Variants in GRM8 observed in about 807,000 individuals in gnomAD.
The protein encoded by GRM8 is metabotropic glutamate receptor 8.
GRM8 carries 47 observed loss-of-function variants against 87.2 expected under a neutral mutation model. The ratio of observed to expected loss-of-function variants is 0.54; its 90% CI spans 0.43 to 0.69. GRM8 has a LOEUF of 0.69. Ranked by LOEUF, GRM8 falls within the 30% of genes least tolerant of loss-of-function variation. The pLI, the probability that GRM8 is intolerant of heterozygous loss-of-function variation, is 0.00. For missense variants in GRM8, 1,019 were observed against 1,139.2 expected, an observed-to-expected ratio of 0.89 and a Z score of 1.52; for synonymous variants, 396 against 404.5, an observed-to-expected ratio of 0.98 and a Z score of 0.25.
chr7:127,067,004 G>A (rs928066128), intron 3 of GRM8, among the ~76,000 whole-genome samples: 1 of 152,180 alleles, frequency 6.6e-6, no homozygotes, highest in African/African-American at 2.4e-5. Flanking sequence ...CTATTAAGTG[G>A]CAGAGCTGAG....
chr7:126,880,898 GC>G (rs1387580074), intron 6 of GRM8, among the ~76,000 whole-genome samples: 1 of 152,070 alleles, frequency 6.6e-6, no homozygotes, highest in East Asian at 1.9e-4. Flanking sequence ...ATTCTCTAAT[GC>G]CTGGTCTATA....
At chr7:126,736,897 C>T (rs1164586010) in intron 7 of GRM8, among the ~76,000 whole-genome samples, 1 of 152,140 alleles carries the variant, frequency 6.6e-6, no homozygotes, top group Middle Eastern at 3.4e-3. Context: ...TTGAAACCAC[C>T]ATTGCAAAAT....
At chr7:126,577,564 CAA>C (rs34381080) in intron 8 of GRM8, among the ~76,000 whole-genome samples, 2 of 146,818 alleles carry the variant, frequency 1.4e-5, no homozygotes, top group Non-Finnish European at 3.0e-5. Context: ...TGATTTACTC[CAA>C]AAAAAAAAAG....
intron 8 of GRM8, among the ~76,000 whole-genome samples, chr7:126,548,262 T>TATG (rs1817391227): frequency 6.6e-6 from 1 of 151,768 alleles, no homozygotes; most frequent in Admixed American, 6.6e-5. Flanking sequence ...CATGTATACA[T>TATG]ATGTAACAAA....
chr7:126,650,371 A>G (rs968339603), intron 7 of GRM8, among the ~76,000 whole-genome samples: 1 of 152,192 alleles, frequency 6.6e-6, no homozygotes, highest in African/African-American at 2.4e-5. Flanking sequence ...GGCCTCGTTC[A>G]CAGATGGTTC....
chr7:126,687,189 C>G lies in GRM8; in HGVS notation c.1358-77691G>C, dbSNP rs183399423. On this transcript the variant is annotated intron_variant, in intron 7 of 10. Coordinates refer to ENST00000339582, the MANE Select transcript of GRM8 (RefSeq NM_000845.3). The stretch of plus-strand genomic sequence containing the variant: ...GTATGTGCCCCGCTATACCAGCTCC[C>G]AACCACAAATCTCTCCTCTTGATAG... Among the ~76,000 whole-genome samples the G allele has an allele frequency of 1.9e-3, 289 of 152,318 alleles. 1 individual carries two copies. The highest frequency in any genetic ancestry group is 3.2e-3 in the Non-Finnish European group (219 of 68,026).
chr7:127,153,743 A>T (rs1459357569), intron 2 of GRM8, among the ~76,000 whole-genome samples: 2 of 152,146 alleles, frequency 1.3e-5, no homozygotes, highest in Non-Finnish European at 2.9e-5. Context: ...AGCTCCTGGC[A>T]CAAGGTAGAT....
In GRM8 at chr7:126,544,620, C is replaced by T. The variant is rs143007915; in HGVS notation, c.1495-10733G>A. On this transcript the variant is annotated intron_variant, in intron 8 of 10. Coordinates refer to ENST00000339582, the MANE Select transcript of GRM8 (RefSeq NM_000845.3). ...CCGCCTCCCGGGTTCAGACGATTCT[C>T]CTGCCTCAGCCTCCCGAGTAGCTGG... Among the ~76,000 whole-genome samples the T allele has an allele frequency of 8.5e-3, 1,288 of 152,234 alleles. 7 individuals carry two copies. Among genetic ancestry groups the T allele is most frequent in the African/African-American group, 0.029 (1,185 of 41,522 alleles).
intron 6 of GRM8, among the ~76,000 whole-genome samples, chr7:126,850,725 G>C (rs1272414601): frequency 6.6e-6 from 1 of 152,166 alleles, no homozygotes; most frequent in Admixed American, 6.5e-5. Context: ...ATCGAAATAG[G>C]AAGATAGTTG....
chr7:126,996,987 A>G (rs926564925), intron 3 of GRM8, among the ~76,000 whole-genome samples: 3 of 151,988 alleles, frequency 2.0e-5, no homozygotes, highest in African/African-American at 7.2e-5. Context: ...GCTACAGAAT[A>G]AAAATTCTTC....
At chr7:127,139,124 G>A (rs1330204116) in intron 2 of GRM8, among the ~76,000 whole-genome samples, 2 of 152,090 alleles carry the variant, frequency 1.3e-5, no homozygotes, top group Non-Finnish European at 1.5e-5. Flanking sequence ...TTGTCGTGCT[G>A]ACTTCCAGCC....
chr7:127,051,872 A>G (rs950714396), intron 3 of GRM8, among the ~76,000 whole-genome samples: 3 of 151,788 alleles, frequency 2.0e-5, no homozygotes, highest in Non-Finnish European at 4.4e-5. Flanking sequence ...TAGTAAAATC[A>G]TAAAGGCATG....
At position 126,725,205 on chromosome 7, in the gene GRM8, T is replaced by G. The variant is rs973534026; in HGVS notation, c.1357+44660A>C. 7.2e-5 allele frequency among the ~76,000 whole-genome samples: 11 copies of G among 152,312 alleles called. No individual in the cohort carries two copies. In the South Asian group the frequency reaches 2.3e-3, roughly 32 times the overall value. Reference sequence around the variant, plus strand: ...TATACTTGGTAATGAAAGAAAGTGATCTGTGTGTCACTTTTAACTTAGATT... The same window carrying G: ...TATACTTGGTAATGAAAGAAAGTGAGCTGTGTGTCACTTTTAACTTAGATT... On this transcript the variant is annotated intron_variant, in intron 7 of 10. Transcript: ENST00000339582.
Position 126,723,393 on chromosome 7 carries a change from C to A in GRM8, c.1357+46472G>T, listed in dbSNP as rs115441707. On this transcript the variant is annotated intron_variant, in intron 7 of 10. Transcript: ENST00000339582. Reference sequence around the variant, plus strand: ...ACTACAGATGTAGACCTGCGGCCAACGGAACAGGCCTGGGTGGAGGAAATA... The same window carrying A: ...ACTACAGATGTAGACCTGCGGCCAAAGGAACAGGCCTGGGTGGAGGAAATA... Among the ~76,000 whole-genome samples, 673 of 152,104 alleles carry A rather than the reference C, an allele frequency of 4.4e-3. 7 individuals carry two copies. The highest frequency in any genetic ancestry group is 0.016 in the African/African-American group (650 of 41,486).
intron 7 of GRM8, among the ~76,000 whole-genome samples, chr7:126,637,152 GA>G (rs1801943236): frequency 6.6e-6 from 1 of 152,086 alleles, no homozygotes; most frequent in African/African-American, 2.4e-5. Context: ...GCATGCATGT[GA>G]AAATGCATTA....
At chr7:126,768,218 G>A (rs1658434981) in intron 7 of GRM8, among the ~76,000 whole-genome samples, 1 of 151,780 alleles carries the variant, frequency 6.6e-6, no homozygotes, top group Non-Finnish European at 1.5e-5. Flanking sequence ...ATATTTTTGT[G>A]TGCTTATTTG....
chr7:127,024,065 T>A (rs17863182), intron 3 of GRM8, among the ~76,000 whole-genome samples: 2 of 152,184 alleles, frequency 1.3e-5, no homozygotes, highest in East Asian at 3.9e-4. Flanking sequence ...TAAAGTAGCT[T>A]TTTTAAAAGA....
At chr7:126,482,079 G>A (rs1341168146) in intron 9 of GRM8, among the ~76,000 whole-genome samples, 1 of 151,986 alleles carries the variant, frequency 6.6e-6, no homozygotes, top group African/African-American at 2.4e-5. Context: ...TGATAAGTAG[G>A]AAAATGCAAA....
At chr7:126,928,471 A>C (rs1805377419) in intron 3 of GRM8, among the ~76,000 whole-genome samples, 1 of 152,074 alleles carries the variant, frequency 6.6e-6, no homozygotes, top group Non-Finnish European at 1.5e-5. Flanking sequence ...CAGGGGTTCA[A>C]GACCAGCCTG....
Sources: gnomAD v4.1 joint callset for allele counts (sites outside exome capture counted in the v4.1 genomes callset) on GRCh38, gnomAD v4.1.1 for gene constraint, MANE v1.5 for transcripts, NCBI Gene and HGNC (gene_info 2026-07-23, HGNC 2026-07-21) for gene names.